NRXN1: variants seen among roughly 807,000 people sequenced by gnomAD.
NRXN1 encodes neurexin-1.
In NRXN1, 39 loss-of-function variants were observed where a neutral mutation model predicts 150.9. That is an observed-to-expected ratio of 0.26 (90% confidence interval 0.20 to 0.34). NRXN1 has a LOEUF of 0.34. NRXN1 is among the 10% of genes least tolerant of loss of function. The pLI is 1.00. For missense variants in NRXN1, 1,815 were observed against 1,949.9 expected, an observed-to-expected ratio of 0.93 and a Z score of 1.30; for synonymous variants, 924 against 757.0, an observed-to-expected ratio of 1.22 and a Z score of -3.62.
intron 8 of NRXN1, among the ~76,000 whole-genome samples, chr2:50,572,349 G>T (rs1367120989): frequency 1.3e-5 from 2 of 152,164 alleles, no homozygotes; most frequent in South Asian, 2.1e-4. Context: ...TGGATAAAAA[G>T]ATATATTAAT....
chr2:50,703,345 A>G (rs1386341343), intron 5 of NRXN1, among the ~76,000 whole-genome samples: 2 of 152,160 alleles, frequency 1.3e-5, no homozygotes, highest in Non-Finnish European at 2.9e-5. Flanking sequence ...TTGCAGTAAC[A>G]GATAAATGCA....
At chr2:50,849,855 C>T (rs1674246375) in intron 5 of NRXN1, among the ~76,000 whole-genome samples, 1 of 152,118 alleles carries the variant, frequency 6.6e-6, no homozygotes, top group Non-Finnish European at 1.5e-5. Context: ...CTTCTACCTT[C>T]CCCAGTACAC....
intron 17 of NRXN1, among the ~76,000 whole-genome samples, chr2:50,299,374 A>G (rs17040443): frequency 0.084 from 12,734 of 151,980 alleles, 627 homozygotes; most frequent in Middle Eastern, 0.14. Flanking sequence ...GAATAAAGTA[A>G]TGCTAAAGAT....
intron 22 of NRXN1, among the ~76,000 whole-genome samples, chr2:49,923,755 C>G (rs1449837213): frequency 6.6e-6 from 1 of 151,986 alleles, no homozygotes; most frequent in East Asian, 1.9e-4. Context: ...ATTTTCTTTT[C>G]CTTCCTCAAA....
At chr2:50,200,757 T>C (rs748328117) in intron 18 of NRXN1, among the ~76,000 whole-genome samples, 1 of 152,186 alleles carries the variant, frequency 6.6e-6, no homozygotes, top group Non-Finnish European at 1.5e-5. Flanking sequence ...CACTGAGTTA[T>C]GGTTTTCAAA....
chr2:50,205,325 T>G (rs10187296), intron 18 of NRXN1, among the ~76,000 whole-genome samples: 15,296 of 152,108 alleles, frequency 0.1, 907 homozygotes, highest in South Asian at 0.16. Context: ...TGATGGAATG[T>G]GTAAAGTGGA....
At chr2:50,487,622 T>C (rs769308500) in intron 15 of NRXN1, among the ~76,000 whole-genome samples, 4 of 152,210 alleles carry the variant, frequency 2.6e-5, no homozygotes, top group Admixed American at 2.0e-4. Context: ...CAAGTCTATT[T>C]CCATGTTGAC....
chr2:50,162,658 G>A (rs1198870548), intron 18 of NRXN1, among the ~76,000 whole-genome samples: 1 of 151,744 alleles, frequency 6.6e-6, no homozygotes, highest in Non-Finnish European at 1.5e-5. Flanking sequence ...CACACACAAT[G>A]GAATATAGAC....
intron 8 of NRXN1, among the ~76,000 whole-genome samples, chr2:50,609,100 A>C (rs963956620): frequency 6.6e-6 from 1 of 152,104 alleles, no homozygotes; most frequent in Non-Finnish European, 1.5e-5. Context: ...CATATTAGGG[A>C]TATGGCTCTG....
intron 5 of NRXN1, among the ~76,000 whole-genome samples, chr2:50,745,141 T>C (rs957852918): frequency 3.3e-5 from 5 of 152,132 alleles, no homozygotes; most frequent in Admixed American, 3.3e-4. Flanking sequence ...GGCAAGCATT[T>C]AATCTCTCCA....
chr2:49,994,180 G>A (rs1358156086), intron 21 of NRXN1, among the ~76,000 whole-genome samples: 1 of 152,162 alleles, frequency 6.6e-6, no homozygotes, highest in Non-Finnish European at 1.5e-5. Flanking sequence ...CTCATAATTG[G>A]AACCCAAACT....
chr2:49,961,718 C>G (rs1044163118), intron 21 of NRXN1, among the ~76,000 whole-genome samples: 2 of 152,044 alleles, frequency 1.3e-5, no homozygotes, highest in African/African-American at 2.4e-5. Context: ...GTAGAAAAGT[C>G]CAACACTCTT....
chr2:50,867,272 C>A (rs1677086807), intron 5 of NRXN1, among the ~76,000 whole-genome samples: 1 of 151,838 alleles, frequency 6.6e-6, no homozygotes, highest in South Asian at 2.1e-4. Context: ...CTCATGGCCC[C>A]TGATTAAGAC....
intron 5 of NRXN1, among the ~76,000 whole-genome samples, chr2:50,660,792 C>A (rs150388714): frequency 1.3e-5 from 2 of 151,990 alleles, no homozygotes; most frequent in East Asian, 3.9e-4. Context: ...CAGAACCTCA[C>A]GTAGTCCATT....
intron 21 of NRXN1, among the ~76,000 whole-genome samples, chr2:49,960,151 C>A (rs1290837433): frequency 6.6e-6 from 1 of 152,070 alleles, no homozygotes; most frequent in Non-Finnish European, 1.5e-5. Flanking sequence ...GTTGCCATGG[C>A]AATGGTTTGC....
intron 19 of NRXN1, among the ~76,000 whole-genome samples, chr2:50,086,070 TG>T (rs1279803737): frequency 6.6e-6 from 1 of 152,180 alleles, no homozygotes; most frequent in Non-Finnish European, 1.5e-5. Context: ...ATGAAGGACG[TG>T]GAATAGAAGA....
chr2:50,772,423 T>C (rs1343583752), intron 5 of NRXN1, among the ~76,000 whole-genome samples: 1 of 151,668 alleles, frequency 6.6e-6, no homozygotes, highest in African/African-American at 2.4e-5. Context: ...ATTGCCTTTC[T>C]TAAAAAAAAA....
At chr2:50,927,161 AG>A (rs1196961611) in intron 2 of NRXN1, among the ~76,000 whole-genome samples, 1 of 152,040 alleles carries the variant, frequency 6.6e-6, no homozygotes, top group East Asian at 1.9e-4. Context: ...GCAACATGCA[AG>A]TATAGAAACT....
intron 5 of NRXN1, among the ~76,000 whole-genome samples, chr2:50,899,044 T>C (rs1436437509): frequency 6.6e-6 from 1 of 152,134 alleles, no homozygotes; most frequent in African/African-American, 2.4e-5. Flanking sequence ...AAGAAGATGA[T>C]GTATTTTCCA....
Sources: allele counts gnomAD v4.1 joint callset (sites outside exome capture counted in the v4.1 genomes callset), GRCh38; gene constraint gnomAD v4.1.1; transcripts MANE v1.5; gene names NCBI Gene and HGNC (gene_info 2026-07-23, HGNC 2026-07-21).